The following STK10 variants were observed in gnomAD, a reference collection of about 807,000 sequenced individuals.
STK10 encodes the protein serine/threonine kinase 10.
A neutral mutation model predicts 113.8 loss-of-function variants in STK10; 78 were observed. The observed-to-expected ratio is 0.69, with a 90% confidence interval of 0.57 to 0.83. The LOEUF (loss-of-function observed/expected upper bound fraction) is 0.83. STK10 is among the 40% of genes least tolerant of loss of function. The probability of loss-of-function intolerance (pLI) is 0.00; values close to 1 mark genes in which losing one functional copy is unlikely to be tolerated. For missense variants in STK10, 1,109 were observed against 1,280.1 expected, an observed-to-expected ratio of 0.87 and a Z score of 2.04; for synonymous variants, 465 against 494.7, an observed-to-expected ratio of 0.94 and a Z score of 0.80.
intron 2 of STK10, among the ~76,000 whole-genome samples, chr5:172,153,782 T>C (rs939483811): frequency 5.3e-5 from 8 of 152,248 alleles, no homozygotes; most frequent in Non-Finnish European, 1.2e-4. Context: ...TCCTTCAACC[T>C]GTATCTCTGG....
chr5:172,081,957 C>T (rs1436950153), intron 12 of STK10, among the ~76,000 whole-genome samples: 1 of 152,128 alleles, frequency 6.6e-6, no homozygotes, highest in African/African-American at 2.4e-5. Flanking sequence ...TTGTATGTGC[C>T]TACCCACCCA....
intron 15 of STK10, among the ~76,000 whole-genome samples, chr5:172,056,606 G>A (rs1025417156): frequency 1.3e-5 from 2 of 152,196 alleles, no homozygotes; most frequent in Middle Eastern, 3.4e-3. Flanking sequence ...AGTGGCTCAC[G>A]CCTGTAATCC....
Position 172,090,340 on chromosome 5 carries a change from GT to G in STK10, c.1576del (p.Thr526ProfsTer15), listed in dbSNP as rs761696581. 1 of 1,613,804 alleles carries G rather than the reference GT, an allele frequency of 6.2e-7. No individual in the cohort carries two copies. ...CACAAATTTGCGTGTCCGCTTGAGG[GT>G]TTTTTTGTACAGTTTCGGGTCCTGG... is the stretch of plus-strand genomic sequence containing the variant. ...SIKDPKLYKK[T>X]LKRTRKFVVD... On this transcript the variant is annotated frameshift_variant, in exon 10 of 19. Transcript: ENST00000176763. LOFTEE classifies it high-confidence loss of function.
chr5:172,117,704 A>G, intron 3 of STK10, 74 bp from the exon 4 acceptor site: 1 of 1,581,182 alleles, frequency 6.3e-7, no homozygotes, highest in South Asian at 1.1e-5. Context: ...GGCCCACGCC[A>G]GGGAGAAATA....
chr5:172,156,815 ACAAGGCATG>A lies in STK10; in HGVS notation c.157-36_157-28del, dbSNP rs1265433571. ...TGCAAAGAGGAGATACAGGAGGTCA[ACAAGGCATG>A]CTCCGCAGGAAACTGACCTTTGGAC... On this transcript the variant is annotated intron_variant, in intron 1 of 18. Coordinates refer to ENST00000176763, the MANE Select transcript of STK10 (RefSeq NM_005990.4). The A allele has an allele frequency of 1.9e-6, 3 of 1,600,186 alleles. No individual in the cohort carries two copies. The South Asian group carries it at 3.3e-5, about 18-fold the overall frequency.
intron 2 of STK10, among the ~76,000 whole-genome samples, chr5:172,138,886 T>C (rs968751613): frequency 7.2e-5 from 11 of 152,028 alleles, no homozygotes; most frequent in Non-Finnish European, 1.3e-4. Flanking sequence ...TGGTGGCGGG[T>C]GCCTGTAGTC....
At chr5:172,115,390 A>G (rs1057212599) in intron 4 of STK10, among the ~76,000 whole-genome samples, 1 of 152,046 alleles carries the variant, frequency 6.6e-6, no homozygotes, top group African/African-American at 2.4e-5. Flanking sequence ...CTTGGTGGAG[A>G]GGGTTGGTCT....
At chr5:172,186,400 G>T (rs1280427532) in intron 1 of STK10, among the ~76,000 whole-genome samples, 1 of 152,190 alleles carries the variant, frequency 6.6e-6, no homozygotes, top group Non-Finnish European at 1.5e-5. Flanking sequence ...GAAACGAGCT[G>T]ATTTCATGAG....
intron 1 of STK10, among the ~76,000 whole-genome samples, chr5:172,178,301 CA>C (rs1421112098): frequency 6.6e-6 from 1 of 152,180 alleles, no homozygotes. Context: ...GCTCAACGGC[CA>C]GCAGTCAGCA....
At chr5:172,180,203 C>A (rs186486862) in intron 1 of STK10, among the ~76,000 whole-genome samples, 1,981 of 152,378 alleles carry the variant, frequency 0.013, 40 homozygotes, top group African/African-American at 0.043. Context: ...GTGGCTCACG[C>A]CTGTAATCCC....
intron 18 of STK10, chr5:172,045,456 C>G (rs771978529): frequency 2.0e-5 from 9 of 456,160 alleles, no homozygotes; most frequent in Non-Finnish European, 4.0e-5. Context: ...TGCACTCCAA[C>G]TTGGGCGACG....
At chr5:172,125,665 G>A (rs759712849) in intron 3 of STK10, among the ~76,000 whole-genome samples, 46 of 152,098 alleles carry the variant, frequency 3.0e-4, no homozygotes, top group Non-Finnish European at 5.7e-4. Flanking sequence ...GACTACAGGC[G>A]TGAGCCACCA....
In STK10 at chr5:172,064,948, G is replaced by A. The variant is rs539816093; in HGVS notation, c.1990-136C>T. 54 of 877,846 alleles carry A rather than the reference G, an allele frequency of 6.2e-5. No homozygotes were observed. In the South Asian group the frequency reaches 7.2e-4, roughly 12 times the overall value. The allele number at this position is 877,846 out of a possible 1,614,324, so 54.4% of individuals were successfully genotyped here. A position where few individuals can be genotyped will look rare whatever the true frequency, so the allele number is the denominator to read the frequency against. Reference sequence around the variant, plus strand: ...CTTTGCAGCGGCCAGCACCCTACGCGGCTCCCCACCAAGCCCCTCTGAGCA... The same window carrying A: ...CTTTGCAGCGGCCAGCACCCTACGCAGCTCCCCACCAAGCCCCTCTGAGCA... On this transcript the variant is annotated intron_variant, in intron 12 of 18. Coordinates refer to ENST00000176763, the MANE Select transcript of STK10 (RefSeq NM_005990.4).
intron 14 of STK10, among the ~76,000 whole-genome samples, chr5:172,057,762 C>G (rs975822467): frequency 1.3e-5 from 2 of 152,198 alleles, no homozygotes; most frequent in African/African-American, 4.8e-5. Flanking sequence ...AACCCAGCTC[C>G]ATCGGTGGGA....
At chr5:172,096,656 G>A (rs1768863400) in intron 7 of STK10, 96 bp from the exon 8 acceptor site, 1 of 1,525,452 alleles carries the variant, frequency 6.6e-7, no homozygotes, top group African/African-American at 1.4e-5. Flanking sequence ...GAAAAGGCCA[G>A]CCTCATTCCT....
intron 3 of STK10, among the ~76,000 whole-genome samples, chr5:172,123,787 G>A (rs1443277540): frequency 2.0e-5 from 3 of 152,018 alleles, no homozygotes; most frequent in Non-Finnish European, 1.5e-5. Flanking sequence ...CCTGCTGCTT[G>A]GAATTCAGAT....
intron 12 of STK10, among the ~76,000 whole-genome samples, chr5:172,069,074 A>G (rs1768128118): frequency 6.6e-6 from 1 of 152,122 alleles, no homozygotes; most frequent in East Asian, 1.9e-4. Flanking sequence ...ACACACACAT[A>G]AAATATAAAC....
intron 2 of STK10, among the ~76,000 whole-genome samples, chr5:172,144,673 T>C (rs1373111773): frequency 2.0e-5 from 3 of 151,964 alleles, no homozygotes; most frequent in African/African-American, 7.3e-5. Flanking sequence ...GAAGGAAGCC[T>C]GGGGAAGGAA....
At chr5:172,062,739 G>A (rs1004441962) in intron 13 of STK10, among the ~76,000 whole-genome samples, 1 of 152,206 alleles carries the variant, frequency 6.6e-6, no homozygotes, top group Non-Finnish European at 1.5e-5. Flanking sequence ...AAGGGTTGGA[G>A]GAGAAGAAAT....
Sources: gnomAD v4.1 joint callset for allele counts (sites outside exome capture counted in the v4.1 genomes callset) on GRCh38, gnomAD v4.1.1 for gene constraint, MANE v1.5 for transcripts, NCBI Gene and HGNC (gene_info 2026-07-23, HGNC 2026-07-21) for gene names.